STK32B: variants seen among roughly 807,000 people sequenced by gnomAD.
STK32B encodes the protein serine/threonine-protein kinase 32B.
In STK32B, 43 loss-of-function variants were observed where a neutral mutation model predicts 52.6. The observed-to-expected ratio is 0.82, with a 90% CI of 0.64 to 1.05. STK32B has a LOEUF of 1.05. Ranked by LOEUF, STK32B falls within the 50% of genes least tolerant of loss-of-function variation. The probability of loss-of-function intolerance (pLI) is 0.00; values close to 1 mark genes in which losing one functional copy is unlikely to be tolerated. For synonymous variants in STK32B, 238 were observed against 204.3 expected (o/e 1.17, Z -1.41); for missense variants, 621 against 534.6 (o/e 1.16, Z -1.59).
chr4:5,483,053 T>A (rs1255830794), intron 11 of STK32B, among the ~76,000 whole-genome samples: 6 of 152,160 alleles, frequency 3.9e-5, no homozygotes, highest in East Asian at 1.9e-4. Flanking sequence ...ATTCTCTTTT[T>A]TGGTTGTGTC....
rs773528192 is a variant in STK32B, at chr4:5,181,195, C to A, written c.260+12745C>A. Among the ~76,000 whole-genome samples the A allele has an allele frequency of 8.5e-4, 129 of 152,258 alleles. 1 individual carries two copies. Among genetic ancestry groups the A allele is most frequent in the Middle Eastern group, 3.4e-3 (1 of 294 alleles). ...CCTGCCTCAAATTCATATGTTGAAA[C>A]CCTAGCCCCCAATGTCACTGTATCT... On this transcript the variant is annotated intron_variant, in intron 3 of 11. Transcript: ENST00000282908.
chr4:5,402,954 G>A (rs184652332), intron 5 of STK32B, among the ~76,000 whole-genome samples: 170 of 152,314 alleles, frequency 1.1e-3, no homozygotes, highest in Middle Eastern at 3.4e-3. Context: ...TCTTGTGGCC[G>A]TGGGATGGGT....
chr4:5,156,480 C>T (rs1378487734), intron 2 of STK32B, among the ~76,000 whole-genome samples: 1 of 152,146 alleles, frequency 6.6e-6, no homozygotes, highest in East Asian at 1.9e-4. Flanking sequence ...CCCTACTCTT[C>T]ACTCTCCATT....
chr4:5,359,572 G>A (rs369383762), intron 4 of STK32B, among the ~76,000 whole-genome samples: 1 of 152,206 alleles, frequency 6.6e-6, no homozygotes, highest in South Asian at 2.1e-4. Flanking sequence ...AACATGTCAG[G>A]CAGTGATAAG....
chr4:5,201,902 C>T (rs1722177571), intron 3 of STK32B, among the ~76,000 whole-genome samples: 1 of 152,166 alleles, frequency 6.6e-6, no homozygotes, highest in Non-Finnish European at 1.5e-5. Flanking sequence ...TGGGTGGGGT[C>T]ACAGAGCCAA....
Position 5,380,410 on chromosome 4 carries a change from T to C in STK32B, c.435-17797T>C, listed in dbSNP as rs1032541298. 6.6e-6 allele frequency among the ~76,000 whole-genome samples: 1 copy of C among 152,168 alleles called. No individual in the cohort carries two copies. The highest frequency in any genetic ancestry group is 6.5e-5 in the Admixed American group (1 of 15,282). On this transcript the variant is annotated intron_variant, in intron 4 of 11. Coordinates refer to ENST00000282908, the MANE Select transcript of STK32B (RefSeq NM_018401.3). The surrounding 1 kb of genome is among the most constrained non-coding windows in gnomAD (Gnocchi z 4.3). ...ACTATGAAATAGAAGAGCATTACTC[T>C]GAAGAGGTACAGGAATTTTCCTGAT... is the stretch of plus-strand genomic sequence containing the variant.
intron 6 of STK32B, among the ~76,000 whole-genome samples, chr4:5,424,474 C>A (rs1577477859): frequency 6.6e-6 from 1 of 152,310 alleles, no homozygotes; most frequent in East Asian, 1.9e-4. Flanking sequence ...TACTTCCTCC[C>A]CTCTGAAGCC....
Position 5,367,107 on chromosome 4 carries a change from T to G in STK32B, c.435-31100T>G, listed in dbSNP as rs1734927804. ...ATTGCAGAAGAAAAAAAAGAAAAAC[T>G]TCTTTTTCTCCTGGAAAGAATTCAC... On this transcript the variant is annotated intron_variant, in intron 4 of 11. Transcript: ENST00000282908. Among the ~76,000 whole-genome samples the G allele has an allele frequency of 2.0e-5, 3 of 152,114 alleles. No individual in the cohort carries two copies. The South Asian group carries it at 6.2e-4, about 31-fold the overall frequency.
intron 1 of STK32B, among the ~76,000 whole-genome samples, chr4:5,106,068 C>T (rs180970321): frequency 1.1e-4 from 17 of 151,502 alleles, no homozygotes; most frequent in Admixed American, 7.9e-4. Flanking sequence ...TTTGGGAGGC[C>T]GAGGCGGGGG....
rs752036100 is a variant in STK32B at position 5,230,178 on chromosome 4, C to CTTT, written c.260+61757_260+61759dup. On this transcript the variant is annotated intron_variant, in intron 3 of 11. Transcript: ENST00000282908. The stretch of plus-strand genomic sequence containing the variant: ...AGAAGAACACTCAAGCATGCATTCC[C>CTTT]TTTTTTTTTTTTTTTTTTTTTTTTT... Among the ~76,000 whole-genome samples the CTTT allele has an allele frequency of 6.7e-3, 474 of 71,096 alleles. 52 individuals are homozygous for CTTT. Among genetic ancestry groups the CTTT allele is most frequent in the African/African-American group, 0.026 (341 of 12,878 alleles). The allele number at this position is 71,096 out of a possible 152,430, so 46.6% of individuals were successfully genotyped here.
intron 6 of STK32B, among the ~76,000 whole-genome samples, chr4:5,425,153 G>A (rs1277002693): frequency 2.6e-5 from 4 of 152,360 alleles, no homozygotes; most frequent in East Asian, 1.9e-4. Flanking sequence ...CTTGCCCTTG[G>A]CAGGTTTGGG....
chr4:5,093,158 A>G (rs1713188198), intron 1 of STK32B, among the ~76,000 whole-genome samples: 1 of 152,218 alleles, frequency 6.6e-6, no homozygotes, highest in Non-Finnish European at 1.5e-5. Context: ...AAAATTAAGA[A>G]AAAGATATTT....
intron 3 of STK32B, among the ~76,000 whole-genome samples, chr4:5,276,179 CT>C (rs1278820941): frequency 1.3e-5 from 2 of 151,978 alleles, no homozygotes; most frequent in African/African-American, 4.8e-5. Flanking sequence ...GTCCTGGCTG[CT>C]TGGGAGGCTT....
chr4:5,217,398 G>C (rs752567398), intron 3 of STK32B, among the ~76,000 whole-genome samples: 1 of 152,130 alleles, frequency 6.6e-6, no homozygotes, highest in Non-Finnish European at 1.5e-5. Context: ...CGGTGGGGGA[G>C]GATGCATTAA....
At chr4:5,306,615 T>G (rs574401514) in intron 3 of STK32B, among the ~76,000 whole-genome samples, 6 of 152,294 alleles carry the variant, frequency 3.9e-5, no homozygotes, top group African/African-American at 1.4e-4. Context: ...ATCTCTTAAA[T>G]GGAGCATTTA....
chr4:5,270,314 C>T (rs1727340155), intron 3 of STK32B, among the ~76,000 whole-genome samples: 1 of 152,188 alleles, frequency 6.6e-6, no homozygotes, highest in Admixed American at 6.5e-5. Context: ...TGCTCGAAGG[C>T]AGGAAGCATC....
At chr4:5,314,876 T>G (rs1489781145) in intron 3 of STK32B, among the ~76,000 whole-genome samples, 1 of 152,076 alleles carries the variant, frequency 6.6e-6, no homozygotes, top group African/African-American at 2.4e-5. Flanking sequence ...ATTTTAAAAA[T>G]ATAACATTGA....
At chr4:5,035,814 C>T in the STK32B span, among the ~76,000 whole-genome samples, 2 of 148,242 alleles carry the variant, frequency 1.3e-5, no homozygotes, top group South Asian at 2.1e-4. Context: ...GACGAAGTCT[C>T]GCTGTCACCC....
Position 5,396,412 on chromosome 4 carries a change from T to C in STK32B, c.435-1795T>C, listed in dbSNP as rs1407644545. ...TCCCTAAATCCAGGATGATTCATCT[T>C]GAGATCCTTAAGTAATTACCTCTGC... On this transcript the variant is annotated intron_variant, in intron 4 of 11. Coordinates refer to ENST00000282908, the MANE Select transcript of STK32B (RefSeq NM_018401.3). The surrounding 1 kb of genome is among the most constrained non-coding windows in gnomAD (Gnocchi z 4.7). Among the ~76,000 whole-genome samples, 1 of 152,202 alleles carries C rather than the reference T, an allele frequency of 6.6e-6. No homozygotes were observed. The highest frequency in any genetic ancestry group is 1.5e-5 in the Non-Finnish European group (1 of 68,048).
Sources: gnomAD v4.1 joint callset for allele counts (sites outside exome capture counted in the v4.1 genomes callset) on GRCh38, gnomAD v4.1.1 for gene constraint, Gnocchi (gnomAD v3.1) non-coding constraint, MANE v1.5 for transcripts, NCBI Gene and HGNC (gene_info 2026-07-23, HGNC 2026-07-21) for gene names.